The following NXPE4 variants were observed in gnomAD, a reference collection of about 807,000 sequenced individuals.
NXPE4 encodes NXPE family member 4.
In NXPE4, 42 loss-of-function variants were observed where a neutral mutation model predicts 33.3. That is an observed-to-expected ratio of 1.26 (90% CI 0.98 to 1.63). NXPE4 has a LOEUF of 1.63. Among genes scored for constraint, NXPE4 ranks in the 40% most tolerant of loss-of-function variants. NXPE4 has a pLI of 0.00. For missense variants in NXPE4, 709 were observed against 647.6 expected (o/e 1.09, Z -1.03); for synonymous variants, 253 against 234.9 (o/e 1.08, Z -0.71).
At chr11:114,626,489 CAG>C in the NXPE4 span, among the ~76,000 whole-genome samples, 14 of 152,308 alleles carry the variant, frequency 9.2e-5, no homozygotes, top group South Asian at 2.9e-3. Context: ...GGAAAACTAA[CAG>C]AAAGGACATC....
the NXPE4 span, among the ~76,000 whole-genome samples, chr11:114,608,914 C>G: frequency 7.2e-6 from 1 of 138,290 alleles, no homozygotes; most frequent in African/African-American, 2.8e-5. Context: ...CACTGTTACC[C>G]AATGGATAAG....
At chr11:114,609,086 T>A in the NXPE4 span, among the ~76,000 whole-genome samples, 2 of 151,986 alleles carry the variant, frequency 1.3e-5, no homozygotes, top group African/African-American at 4.8e-5. Flanking sequence ...ATCCGGTGGA[T>A]AATAAGTGTT....
At chr11:114,645,554 T>C in the NXPE4 span, among the ~76,000 whole-genome samples, 1 of 152,126 alleles carries the variant, frequency 6.6e-6, no homozygotes, top group Non-Finnish European at 1.5e-5. Flanking sequence ...ATTTTTGAAT[T>C]TCAGTGCAAT....
chr11:114,663,667 CATCTATCTATT>C, the NXPE4 span, among the ~76,000 whole-genome samples: 476 of 84,470 alleles, frequency 5.6e-3, 4 homozygotes, highest in African/African-American at 0.02. Context: ...ATTTATCTAT[CATCTATCTATT>C]TATCTATCTA....
At chr11:114,579,090 G>A (rs903988123) in intron 5 of NXPE4, among the ~76,000 whole-genome samples, 16 of 152,178 alleles carry the variant, frequency 1.1e-4, no homozygotes, top group Non-Finnish European at 1.8e-4. Context: ...TACAAGCATG[G>A]CATCGGCATC....
the NXPE4 span, among the ~76,000 whole-genome samples, chr11:114,638,185 A>C: frequency 2.7e-5 from 4 of 149,766 alleles, no homozygotes; most frequent in Non-Finnish European, 6.0e-5. Flanking sequence ...TTTTCTCTAA[A>C]CTTCCCTTCT....
chr11:114,615,467 G>A, the NXPE4 span, among the ~76,000 whole-genome samples: 1 of 151,944 alleles, frequency 6.6e-6, no homozygotes, highest in Non-Finnish European at 1.5e-5. Flanking sequence ...TGGATAATAA[G>A]TATTGCTTCG....
the NXPE4 span, among the ~76,000 whole-genome samples, chr11:114,616,905 G>A: frequency 1.4e-5 from 2 of 146,574 alleles, no homozygotes; most frequent in East Asian, 3.9e-4. Flanking sequence ...TTGTCTCGTG[G>A]GTAACCACTG....
chr11:114,648,938 T>G, the NXPE4 span, among the ~76,000 whole-genome samples: 1 of 76,886 alleles, frequency 1.3e-5, no homozygotes. Context: ...GATAAGGGGA[T>G]AAGAGGAAAC....
At chr11:114,659,523 A>C in the NXPE4 span, among the ~76,000 whole-genome samples, 1 of 151,660 alleles carries the variant, frequency 6.6e-6, no homozygotes, top group African/African-American at 2.4e-5. Flanking sequence ...TAACAAAAAA[A>C]GTTTGGAAAA....
the NXPE4 span, among the ~76,000 whole-genome samples, chr11:114,643,316 C>T: frequency 6.6e-6 from 1 of 152,048 alleles, no homozygotes; most frequent in Non-Finnish European, 1.5e-5. Context: ...GTGTTTTAGT[C>T]ATGAAGTCTT....
chr11:114,634,087 A>G, the NXPE4 span, among the ~76,000 whole-genome samples: 1 of 151,524 alleles, frequency 6.6e-6, no homozygotes, highest in Non-Finnish European at 1.5e-5. Context: ...CAACAGTGTA[A>G]AAGTGTTCCT....
the NXPE4 span, among the ~76,000 whole-genome samples, chr11:114,672,194 C>G: frequency 1.2e-4 from 18 of 151,898 alleles, no homozygotes; most frequent in African/African-American, 3.6e-4. Context: ...CTGGGAATTA[C>G]AATTCAACAG....
chr11:114,590,720 C>T (rs1949430229), intron 2 of NXPE4, among the ~76,000 whole-genome samples: 1 of 152,152 alleles, frequency 6.6e-6, no homozygotes, highest in Admixed American at 6.5e-5. Context: ...GAGTAAGAAA[C>T]TTGATTTGCA....
the NXPE4 span, among the ~76,000 whole-genome samples, chr11:114,610,270 T>C: frequency 2.0e-5 from 3 of 151,628 alleles, no homozygotes; most frequent in Non-Finnish European, 2.9e-5. Context: ...TAATAGGTGT[T>C]GCCTACCCGG....
chr11:114,601,847 A>G, the NXPE4 span, among the ~76,000 whole-genome samples: 1 of 54,614 alleles, frequency 1.8e-5, no homozygotes, highest in Non-Finnish European at 2.9e-5. Flanking sequence ...TATATAATAT[A>G]AAATATATAA....
the NXPE4 span, among the ~76,000 whole-genome samples, chr11:114,630,344 A>G: frequency 1.3e-5 from 2 of 151,830 alleles, 1 homozygote; most frequent in Non-Finnish European, 2.9e-5. Flanking sequence ...AATGGAACAG[A>G]ACATAGCCCT....
chr11:114,618,253 C>G, the NXPE4 span, among the ~76,000 whole-genome samples: 1 of 151,952 alleles, frequency 6.6e-6, no homozygotes, highest in Admixed American at 6.6e-5. Flanking sequence ...TATGGGTAAC[C>G]ACTGCTACCC....
chr11:114,579,752 G>T (rs1355081346), intron 5 of NXPE4, among the ~76,000 whole-genome samples: 1 of 152,216 alleles, frequency 6.6e-6, no homozygotes, highest in Admixed American at 6.5e-5. Flanking sequence ...AGGAGGTAGA[G>T]AAGTCAGGTT....
Sources: allele counts gnomAD v4.1 joint callset (sites outside exome capture counted in the v4.1 genomes callset), GRCh38; gene constraint gnomAD v4.1.1; transcripts MANE v1.5; gene names NCBI Gene and HGNC (gene_info 2026-07-23, HGNC 2026-07-21).